The following SLC26A4 variants were observed in gnomAD, a reference collection of about 807,000 sequenced individuals.
SLC26A4 encodes solute carrier family 26 member 4.
Under a neutral mutation model 90.4 loss-of-function variants are expected in SLC26A4, and 93 were observed. The observed-to-expected ratio is 1.03, with a 90% CI of 0.87 to 1.22. SLC26A4 has a LOEUF of 1.22. SLC26A4 is among the 50% of genes most tolerant of loss of function. The pLI is 0.00. For synonymous variants in SLC26A4, 393 were observed against 354.6 expected, an observed-to-expected ratio of 1.11 and a Z score of -1.22; for missense variants, 1,127 against 946.2, an observed-to-expected ratio of 1.19 and a Z score of -2.51.
In SLC26A4 at chr7:107,661,612, C is replaced by G; in HGVS notation, c.-3-27C>G. On this transcript the variant is annotated intron_variant, in intron 1 of 20. Transcript: ENST00000644269. The surrounding 1 kb of genome is among the most constrained non-coding windows in gnomAD (Gnocchi z 5.1). ...ATCGTCCTCGCTTACCGCGTGTCCT[C>G]CCTCCTCGCTGTCCTCTGGCTCGCA... is the stretch of plus-strand genomic sequence containing the variant. 6.5e-7 allele frequency: 1 copy of G among 1,545,620 alleles called. No homozygotes were observed. The highest frequency in any genetic ancestry group is 2.4e-5 in the East Asian group (1 of 41,790).
intron 6 of SLC26A4, among the ~76,000 whole-genome samples, 193 bp downstream of exon 6, chr7:107,675,302 A>G (rs988820070): frequency 2.6e-4 from 38 of 147,038 alleles, no homozygotes; most frequent in East Asian, 5.9e-4. Flanking sequence ...AAAAAAAAAA[A>G]AAAAGAAAGA....
At chr7:107,695,835 T>G (rs760613481) in intron 12 of SLC26A4, 98 bp from the exon 13 acceptor site, 11 of 792,722 alleles carry the variant, frequency 1.4e-5, no homozygotes, top group Non-Finnish European at 2.5e-5. Flanking sequence ...AAAATGTAAT[T>G]TGTTTGTGGA....
intron 10 of SLC26A4, among the ~76,000 whole-genome samples, chr7:107,690,683 G>T (rs745452845): frequency 1.3e-5 from 2 of 152,084 alleles, no homozygotes; most frequent in Non-Finnish European, 2.9e-5. Flanking sequence ...AGGGGCGTTT[G>T]GTCCCACAGA....
At chr7:107,694,088 G>A (rs1291564666) in intron 10 of SLC26A4, among the ~76,000 whole-genome samples, 2 of 152,140 alleles carry the variant, frequency 1.3e-5, no homozygotes, top group Non-Finnish European at 2.9e-5. Flanking sequence ...CTAGAAGCTT[G>A]GCCTGAATGG....
At chr7:107,698,187 A>G in intron 14 of SLC26A4, 76 bp downstream of exon 14, 1 of 915,988 alleles carries the variant, frequency 1.1e-6, no homozygotes. Context: ...TTTACGTACA[A>G]GGTAGCCAAA....
chr7:107,684,255 A>G (rs185949365), intron 8 of SLC26A4, among the ~76,000 whole-genome samples: 92 of 152,314 alleles, frequency 6.0e-4, no homozygotes, highest in African/African-American at 2.2e-3. Context: ...CGTTTATTAT[A>G]TTTGTAACAT....
rs2129321037 is a variant in SLC26A4, at chr7:107,715,622, G to A, written c.*176G>A. The A allele has an allele frequency of 3.1e-6, 2 of 648,486 alleles. 1 individual carries two copies. The highest frequency in any genetic ancestry group is 5.6e-6 in the Non-Finnish European group (2 of 356,738). The allele number at this position is 648,486 out of a possible 1,614,324, so 40.2% of individuals were successfully genotyped here. ...AAATAAACACCTTATCCCTAACATGGGCAAAATGGCTAGAATTATTCAGAC... is the reference window on the plus strand; with the variant it reads ...AAATAAACACCTTATCCCTAACATGAGCAAAATGGCTAGAATTATTCAGAC... On this transcript the variant is annotated 3_prime_UTR_variant, in exon 21 of 21. Transcript: ENST00000644269.
At chr7:107,680,977 G>A (rs1791214782) in intron 6 of SLC26A4, among the ~76,000 whole-genome samples, 1 of 152,120 alleles carries the variant, frequency 6.6e-6, no homozygotes, top group South Asian at 2.1e-4. Context: ...GGACCAAACA[G>A]CAATGATAAC....
At chr7:107,691,512 T>TACACACACACAC (rs760010561) in intron 10 of SLC26A4, among the ~76,000 whole-genome samples, 4,376 of 110,218 alleles carry the variant, frequency 0.04, 148 homozygotes, top group Admixed American at 0.13. Context: ...CAAATATATA[T>TACACACACACAC]ATACACACAC....
intron 17 of SLC26A4, among the ~76,000 whole-genome samples, chr7:107,702,684 C>CA (rs11462799): frequency 0.53 from 52,662 of 98,866 alleles, 11,914 homozygotes; most frequent in East Asian, 0.67. Flanking sequence ...GACTTCATCT[C>CA]AAAAAAAAAA....
chr7:107,664,048 A>T (rs933436471), intron 3 of SLC26A4, among the ~76,000 whole-genome samples: 11 of 146,186 alleles, frequency 7.5e-5, no homozygotes, highest in South Asian at 2.1e-4. Flanking sequence ...GTCAAGATTT[A>T]AAAAAAAAAA....
chr7:107,690,051 T>A (rs1304742256), intron 9 of SLC26A4, 73 bp from the exon 10 acceptor site: 6 of 897,282 alleles, frequency 6.7e-6, no homozygotes, highest in Non-Finnish European at 1.1e-5. Flanking sequence ...CTTAATGTAC[T>A]TCCTGAAATA....
intron 8 of SLC26A4, among the ~76,000 whole-genome samples, chr7:107,686,336 A>C (rs1314542670): frequency 8.4e-3 from 438 of 52,270 alleles, no homozygotes; most frequent in African/African-American, 0.017. Flanking sequence ...TCCTACCTGC[A>C]CTCCCTTTCC....
intron 8 of SLC26A4, among the ~76,000 whole-genome samples, chr7:107,688,636 G>A (rs911770971): frequency 2.6e-5 from 4 of 152,310 alleles, no homozygotes; most frequent in Admixed American, 1.3e-4. Flanking sequence ...TAACAGAGCT[G>A]ATACCTCTTC....
At position 107,661,893 on chromosome 7, in the gene SLC26A4, G is replaced by A. The variant is rs940078177; in HGVS notation, c.164+88G>A. 38 of 1,421,156 alleles carry A rather than the reference G, an allele frequency of 2.7e-5. No homozygotes were observed. Among genetic ancestry groups the A allele is most frequent in the Admixed American group, 4.6e-5 (2 of 43,840 alleles). 88.0% of individuals were successfully genotyped at this position (1,421,156 alleles called of 1,614,324 possible). A position where few individuals can be genotyped will look rare whatever the true frequency, so the allele number is the denominator to read the frequency against. On this transcript the variant is annotated intron_variant, in intron 2 of 20. Coordinates refer to ENST00000644269, the MANE Select transcript of SLC26A4 (RefSeq NM_000441.2). This position sits in a 1 kb window ranked among gnomAD's most constrained non-coding sequence, Gnocchi z 5.1. ...AAGGGCGTCCCCAGCGGGCGAGAGT[G>A]GGGTGCGGGCGGCGGAGCCCCTGGG...
At chr7:107,665,657 CA>C (rs150336414) in intron 3 of SLC26A4, among the ~76,000 whole-genome samples, 1,821 of 152,264 alleles carry the variant, frequency 0.012, 26 homozygotes, top group Middle Eastern at 0.034. Flanking sequence ...TTTTCATAGA[CA>C]AGTATCTTAT....
chr7:107,710,127 G>C lies in SLC26A4; in HGVS notation c.2163G>C (p.Thr721=), dbSNP rs375151702. ...TTAGAAAGGACACATTCTTTTTGAC[G>C]GTCCATGATGCTATACTCTATCTAC... The part of the protein sequence containing the change: ...DNIRKDTFFL[T]VHDAILYLQN... The change falls in exon 19 of 21, where the codon ACG becomes ACC. Residue 721 remains threonine (T), a synonymous_variant. Coordinates refer to ENST00000644269, the MANE Select transcript of SLC26A4 (RefSeq NM_000441.2). The C allele has an allele frequency of 4.7e-5, 75 of 1,608,118 alleles. No homozygotes were observed. The highest frequency in any genetic ancestry group is 6.2e-5 in the Non-Finnish European group (73 of 1,174,660).
At position 107,715,467 on chromosome 7, in the gene SLC26A4, T is replaced by C. The variant is rs1562845917; in HGVS notation, c.*21T>C. The C allele has an allele frequency of 6.2e-7, 1 of 1,603,302 alleles. No individual in the cohort carries two copies. The highest frequency in any genetic ancestry group is 8.5e-7 in the Non-Finnish European group (1 of 1,170,110). On this transcript the variant is annotated 3_prime_UTR_variant, in exon 21 of 21. Coordinates refer to ENST00000644269, the MANE Select transcript of SLC26A4 (RefSeq NM_000441.2). Reference sequence around the variant, plus strand: ...CCTGAAAGTGGGTTCGGGAGGTCTCTATGAGCAAGGAATACAAGACAAAAC... The same window carrying C: ...CCTGAAAGTGGGTTCGGGAGGTCTCCATGAGCAAGGAATACAAGACAAAAC...
chr7:107,687,337 C>T (rs141508068), intron 8 of SLC26A4, among the ~76,000 whole-genome samples: 29 of 152,260 alleles, frequency 1.9e-4, no homozygotes, highest in African/African-American at 6.5e-4. Context: ...GATATCCAGA[C>T]GGGACTTCAA....
Sources: allele counts gnomAD v4.1 joint callset (sites outside exome capture counted in the v4.1 genomes callset), GRCh38; gene constraint gnomAD v4.1.1; non-coding constraint Gnocchi (gnomAD v3.1); transcripts MANE v1.5; gene names NCBI Gene and HGNC (gene_info 2026-07-23, HGNC 2026-07-21).